CDC73: variants seen among roughly 807,000 people sequenced by gnomAD.
The protein encoded by CDC73 is parafibromin.
In CDC73, 21 loss-of-function variants were observed where a neutral mutation model predicts 83.7. The observed-to-expected ratio is 0.25, with a 90% CI of 0.18 to 0.36. The LOEUF (loss-of-function observed/expected upper bound fraction) is 0.36, where lower values mean the gene tolerates loss of function less well. Among genes scored for constraint, CDC73 ranks in the 10% least tolerant of loss-of-function variants. The pLI is 1.00. For synonymous variants in CDC73, 224 were observed against 212.9 expected (o/e 1.05, Z -0.45); for missense variants, 342 against 653.3 (o/e 0.52, Z 5.19).
At chr1:193,172,237 CT>C (rs36004862) in intron 10 of CDC73, among the ~76,000 whole-genome samples, 11,608 of 134,302 alleles carry the variant, frequency 0.086, 487 homozygotes, top group Non-Finnish European at 0.098. Flanking sequence ...TTTTTGGTAC[CT>C]TTTTTTTTTT....
intron 10 of CDC73, among the ~76,000 whole-genome samples, chr1:193,187,214 C>G (rs1048264606): frequency 2.7e-5 from 4 of 147,386 alleles, no homozygotes; most frequent in African/African-American, 1.0e-4. Flanking sequence ...TTTTGGTGTT[C>G]TTGATGGCAG....
intron 13 of CDC73, among the ~76,000 whole-genome samples, chr1:193,227,592 G>A (rs1029671539): frequency 5.3e-5 from 8 of 152,082 alleles, no homozygotes; most frequent in Non-Finnish European, 1.2e-4. Context: ...GTAGAAAATT[G>A]AATTCTACTT....
At chr1:193,240,051 T>G (rs1677830883) in intron 15 of CDC73, among the ~76,000 whole-genome samples, 1 of 152,192 alleles carries the variant, frequency 6.6e-6, no homozygotes, top group Non-Finnish European at 1.5e-5. Context: ...CTTATCATTT[T>G]ACTGTCTACC....
In CDC73 at chr1:193,142,056, G is replaced by A. The variant is rs2103126495; in HGVS notation, c.719G>A (p.Ser240Asn). The A allele has an allele frequency of 2.5e-6, 4 of 1,611,390 alleles. No homozygotes were observed. The highest frequency in any genetic ancestry group is 3.4e-6 in the Non-Finnish European group (4 of 1,177,698). The change falls in exon 7 of 17, where the codon AGC becomes AAC. Residue 240 changes from serine to asparagine, a missense_variant. Around this residue, in one of 3 missense-constraint regions of CDC73, gnomAD observed 239 missense variants for 420.6 expected, o/e 0.57. Coordinates refer to ENST00000367435, the MANE Select transcript of CDC73 (RefSeq NM_024529.5). ...VWRTRTTILQ[S>N]TGKNFSKNIF... ...AGGACACGAACAACTATCTTACAAAGCACAGGAAAGGTAATTAAAATATTT... is the reference window on the plus strand; with the variant it reads ...AGGACACGAACAACTATCTTACAAAACACAGGAAAGGTAATTAAAATATTT...
chr1:193,212,014 A>G, intron 11 of CDC73, 51 bp from the exon 12 acceptor site: 1 of 1,391,240 alleles, frequency 7.2e-7, no homozygotes, highest in South Asian at 1.2e-5. Context: ...GTTTGAAAAT[A>G]AGAATATGGT....
chr1:193,244,086 G>A (rs1425269111), intron 15 of CDC73, among the ~76,000 whole-genome samples: 1 of 152,166 alleles, frequency 6.6e-6, no homozygotes, highest in Non-Finnish European at 1.5e-5. Context: ...CTTAACATTT[G>A]TACATGCACA....
At chr1:193,140,774 T>G (rs1190809145) in intron 6 of CDC73, among the ~76,000 whole-genome samples, 1 of 152,214 alleles carries the variant, frequency 6.6e-6, no homozygotes, top group Non-Finnish European at 1.5e-5. Flanking sequence ...GCACATAATT[T>G]AAAACTTACG....
intron 15 of CDC73, chr1:193,237,228 A>G (rs190200792): frequency 6.6e-6 from 1 of 152,244 alleles, no homozygotes; most frequent in Admixed American, 6.5e-5. Context: ...TTATGTTTTT[A>G]GCAGCCCCAG....
intron 2 of CDC73, among the ~76,000 whole-genome samples, chr1:193,127,486 C>CT (rs1675599961): frequency 6.6e-6 from 1 of 152,096 alleles, no homozygotes; most frequent in Non-Finnish European, 1.5e-5. Flanking sequence ...CCAGCTCCGT[C>CT]TTTAAGGTTA....
At chr1:193,149,613 CAT>C (rs1292024767) in intron 8 of CDC73, among the ~76,000 whole-genome samples, 1 of 152,046 alleles carries the variant, frequency 6.6e-6, no homozygotes, top group East Asian at 1.9e-4. Flanking sequence ...GTGAAGTAAG[CAT>C]ATACTTATCA....
intron 10 of CDC73, among the ~76,000 whole-genome samples, chr1:193,164,150 C>T (rs1432035675): frequency 1.3e-5 from 2 of 152,168 alleles, no homozygotes; most frequent in African/African-American, 4.8e-5. Context: ...TTAGAAACCT[C>T]TTGTAGATCA....
intron 8 of CDC73, among the ~76,000 whole-genome samples, chr1:193,149,143 T>C (rs1189654094): frequency 6.6e-6 from 1 of 152,166 alleles, no homozygotes; most frequent in East Asian, 1.9e-4. Context: ...CTAATGATCT[T>C]GAGATACAAT....
In CDC73 at chr1:193,135,567, A is replaced by G; in HGVS notation, c.401A>G (p.Glu134Gly). The change falls in exon 5 of 17, where the codon GAA becomes GGA. Residue 134 changes from glutamate (E) to glycine (G), a missense_variant. Physicochemically the swap from Glu to Gly is moderately conservative, Grantham distance 98. This residue lies in a region of CDC73 where 99 missense variants were observed against 174.5 expected (regional missense o/e 0.57). Coordinates refer to ENST00000367435, the MANE Select transcript of CDC73 (RefSeq NM_024529.5). ...VKRAADEVLA[E>G]AKKPRIEDEE... ...CGAGCTGCAGATGAAGTTTTAGCAGAAGCAAAGAAACCACGAATTGAGGTA... is the reference window on the plus strand; with the variant it reads ...CGAGCTGCAGATGAAGTTTTAGCAGGAGCAAAGAAACCACGAATTGAGGTA... 6.2e-7 allele frequency: 1 copy of G among 1,613,250 alleles called. No homozygotes were observed. Among genetic ancestry groups the G allele is most frequent in the Non-Finnish European group, 8.5e-7 (1 of 1,179,302 alleles).
chr1:193,174,749 T>TA (rs1453773602), intron 10 of CDC73, among the ~76,000 whole-genome samples: 5 of 152,202 alleles, frequency 3.3e-5, no homozygotes, highest in Non-Finnish European at 7.3e-5. Flanking sequence ...CCTTGTCACT[T>TA]ACTCCTCTCT....
chr1:193,237,153 A>G (rs1280690240), intron 15 of CDC73: 2 of 151,768 alleles, frequency 1.3e-5, no homozygotes, highest in African/African-American at 2.4e-5. Context: ...CAAGGTCTCA[A>G]TCTCCTGACC....
At chr1:193,233,450 T>C (rs967392673) in intron 14 of CDC73, among the ~76,000 whole-genome samples, 1 of 152,268 alleles carries the variant, frequency 6.6e-6, no homozygotes, top group Non-Finnish European at 1.5e-5. Context: ...TCATGGGTTC[T>C]AAATAGAAAC....
rs1022155888 is a variant in CDC73 at position 193,253,654 on chromosome 1, A to G, written c.*2942A>G. 6 of 231,794 alleles carry G rather than the reference A, an allele frequency of 2.6e-5. No individual in the cohort carries two copies. The highest frequency in any genetic ancestry group is 6.6e-5 in the African/African-American group (3 of 45,296). The allele number at this position is 231,794 out of a possible 1,614,324, so 14.4% of individuals were successfully genotyped here. A position where few individuals can be genotyped will look rare whatever the true frequency, so the allele number is the denominator to read the frequency against. ...GTTTTTAGCAGCACAACAGTAATCC[A>G]TATAAAAACAACTAATTCATAATGA... On this transcript the variant is annotated 3_prime_UTR_variant, in exon 17 of 17. Coordinates refer to ENST00000367435, the MANE Select transcript of CDC73 (RefSeq NM_024529.5).
At chr1:193,246,734 A>G (rs1419963227) in intron 15 of CDC73, among the ~76,000 whole-genome samples, 2 of 152,136 alleles carry the variant, frequency 1.3e-5, no homozygotes, top group African/African-American at 2.4e-5. Context: ...CTCTAGCTTA[A>G]TAAACTATAA....
At chr1:193,137,007 G>T (rs1675813200) in intron 5 of CDC73, among the ~76,000 whole-genome samples, 2 of 152,142 alleles carry the variant, frequency 1.3e-5, no homozygotes, top group African/African-American at 2.4e-5. Flanking sequence ...TCATTTGTGG[G>T]GTTGAAATGT....
Sources: gnomAD v4.1 joint callset for allele counts (sites outside exome capture counted in the v4.1 genomes callset) on GRCh38, gnomAD v4.1.1 for gene constraint, gnomAD v4.1.1 regional missense constraint, MANE v1.5 for transcripts, NCBI Gene and HGNC (gene_info 2026-07-23, HGNC 2026-07-21) for gene names.